Variants in ZBBX observed in about 807,000 individuals in gnomAD.
The protein encoded by ZBBX is zinc finger B-box domain containing.
In ZBBX, 101 loss-of-function variants were observed where a neutral mutation model predicts 108.5. The observed-to-expected ratio is 0.93, with a 90% confidence interval of 0.79 to 1.10. ZBBX has a LOEUF of 1.10. Ranked by LOEUF, ZBBX falls within the 50% of genes least tolerant of loss-of-function variation. ZBBX has a pLI of 0.00. For synonymous variants in ZBBX, 356 were observed against 323.4 expected, an observed-to-expected ratio of 1.10 and a Z score of -1.08; for missense variants, 1,009 against 941.4, an observed-to-expected ratio of 1.07 and a Z score of -0.94.
intron 20 of ZBBX, among the ~76,000 whole-genome samples, chr3:167,265,476 A>G (rs1428313990): frequency 6.6e-6 from 1 of 151,636 alleles, no homozygotes; most frequent in East Asian, 1.9e-4. Flanking sequence ...AGCCCTCCTT[A>G]CTCTTCACTC....
At chr3:167,406,798 G>T (rs2108646465) in intron 1 of ZBBX, among the ~76,000 whole-genome samples, 1 of 152,290 alleles carries the variant, frequency 6.6e-6, no homozygotes, top group East Asian at 1.9e-4. Context: ...GATCAGGGAA[G>T]TTGCAAACAA....
the ZBBX span, among the ~76,000 whole-genome samples, chr3:167,190,998 A>G: frequency 6.6e-6 from 1 of 152,194 alleles, no homozygotes; most frequent in African/African-American, 2.4e-5. Flanking sequence ...GAGGCAGTGA[A>G]CACCAAGGGG....
chr3:167,259,256 G>C (rs143091416), intron 20 of ZBBX, among the ~76,000 whole-genome samples: 2 of 152,028 alleles, frequency 1.3e-5, no homozygotes, highest in Admixed American at 1.3e-4. Flanking sequence ...AGTTTATGCG[G>C]GTAAAGCTGT....
intron 20 of ZBBX, among the ~76,000 whole-genome samples, chr3:167,276,302 G>C (rs541370161): frequency 6.6e-6 from 1 of 151,590 alleles, no homozygotes; most frequent in Admixed American, 6.6e-5. Context: ...CGCGCTACGG[G>C]AGAACATTCA....
At chr3:167,249,177 A>G (rs1029021442) in intron 20 of ZBBX, among the ~76,000 whole-genome samples, 2 of 152,216 alleles carry the variant, frequency 1.3e-5, no homozygotes, top group African/African-American at 2.4e-5. Flanking sequence ...TTTACAGGAA[A>G]GAGTGGCTTG....
intron 15 of ZBBX, among the ~76,000 whole-genome samples, chr3:167,314,696 CTT>C (rs1480900335): frequency 6.6e-6 from 1 of 152,118 alleles, no homozygotes; most frequent in Non-Finnish European, 1.5e-5. Context: ...AAAAGGCCCT[CTT>C]GTGTCACTCG....
At chr3:167,242,937 G>T (rs1720932319) in intron 20 of ZBBX, among the ~76,000 whole-genome samples, 1 of 151,636 alleles carries the variant, frequency 6.6e-6, no homozygotes, top group African/African-American at 2.4e-5. Context: ...AAAATCAAAT[G>T]ACCCCCTTTA....
In ZBBX at chr3:167,328,100, A is replaced by T. The variant is rs1737742856; in HGVS notation, c.704T>A (p.Met235Lys). 6.2e-7 allele frequency: 1 copy of T among 1,610,918 alleles called. No homozygotes were observed. The highest frequency in any genetic ancestry group is 1.3e-5 in the African/African-American group (1 of 74,652). ...TGGTTTTGTACGTTGTGCTCTTTTCATCGTTGTAATTTCTACCTAATTAAA... is the reference window on the plus strand; with the variant it reads ...TGGTTTTGTACGTTGTGCTCTTTTCTTCGTTGTAATTTCTACCTAATTAAA... ...RSSSEVEITT[M>K]KRAQRTKPRK... Residue 235 changes from methionine to lysine, a missense_variant, in exon 11 of 22, where the codon ATG becomes AAG. Met to Lys is a moderately conservative substitution (Grantham distance 95). Transcript: ENST00000675490.
chr3:167,241,226 G>A (rs1376679857), intron 21 of ZBBX, among the ~76,000 whole-genome samples: 1 of 152,058 alleles, frequency 6.6e-6, no homozygotes, highest in African/African-American at 2.4e-5. Flanking sequence ...AGAGCCTCAG[G>A]GTCATCATTA....
the ZBBX span, among the ~76,000 whole-genome samples, chr3:167,234,644 G>GA: frequency 6.6e-6 from 1 of 151,752 alleles, no homozygotes; most frequent in Non-Finnish European, 1.5e-5. Context: ...CACATTAATG[G>GA]AAAATTCTTG....
Position 167,245,349 on chromosome 3 carries a change from CCCTATTTCTAA to C in ZBBX, c.2255-2717_2255-2707del, listed in dbSNP as rs201292597. The stretch of plus-strand genomic sequence containing the variant: ...CTGCACTCCAGCCTGGGCGACAAAG[CCCTATTTCTAA>C]CCTATTTCTAACACTTTAGCCTTCC... On this transcript the variant is annotated intron_variant, in intron 20 of 21. Coordinates refer to ENST00000675490, the MANE Select transcript of ZBBX (RefSeq NM_001199201.2). 2.4e-3 allele frequency among the ~76,000 whole-genome samples: 363 copies of C among 152,262 alleles called. 1 individual carries two copies. The highest frequency in any genetic ancestry group is 7.3e-3 in the African/African-American group (303 of 41,554).
intron 11 of ZBBX, among the ~76,000 whole-genome samples, chr3:167,324,763 C>T (rs1172921108): frequency 3.3e-5 from 5 of 152,130 alleles, no homozygotes; most frequent in Admixed American, 3.3e-4. Flanking sequence ...GCATTCCCCT[C>T]CAGTCATCTT....
At chr3:167,198,254 T>C in the ZBBX span, among the ~76,000 whole-genome samples, 1 of 152,090 alleles carries the variant, frequency 6.6e-6, no homozygotes, top group Non-Finnish European at 1.5e-5. Flanking sequence ...TATGCTTTCC[T>C]TTTTGGTTTA....
chr3:167,214,508 C>G, the ZBBX span, among the ~76,000 whole-genome samples: 3 of 152,148 alleles, frequency 2.0e-5, no homozygotes, highest in Non-Finnish European at 2.9e-5. Flanking sequence ...TAGAGACCTA[C>G]AAAGAGTAAT....
At chr3:167,380,150 G>T (rs115754398) in intron 1 of ZBBX, 97 bp downstream of exon 1, 3,029 of 152,694 alleles carry the variant, frequency 0.02, 107 homozygotes, top group African/African-American at 0.07. Context: ...CGCGCTGCCC[G>T]CTCTGCTCCC....
At chr3:167,287,590 G>A (rs1288485180) in intron 19 of ZBBX, among the ~76,000 whole-genome samples, 1 of 152,078 alleles carries the variant, frequency 6.6e-6, no homozygotes, top group Non-Finnish European at 1.5e-5. Context: ...TATTGATTTT[G>A]ACTGATCTGT....
chr3:167,248,119 CACAG>C (rs1353848785), intron 20 of ZBBX, among the ~76,000 whole-genome samples: 1 of 152,176 alleles, frequency 6.6e-6, no homozygotes, highest in Non-Finnish European at 1.5e-5. Context: ...CCTTAACAGC[CACAG>C]ACACACACAG....
intron 20 of ZBBX, among the ~76,000 whole-genome samples, chr3:167,273,969 T>C (rs1047969933): frequency 1.3e-5 from 2 of 152,190 alleles, no homozygotes; most frequent in African/African-American, 4.8e-5. Flanking sequence ...CAATGATTTA[T>C]TAATTACACT....
chr3:167,271,271 A>G (rs966472242), intron 20 of ZBBX, among the ~76,000 whole-genome samples: 1 of 152,216 alleles, frequency 6.6e-6, no homozygotes, highest in Non-Finnish European at 1.5e-5. Context: ...AGTATTAGAT[A>G]ATCTTCAGTT....
Sources: allele counts gnomAD v4.1 joint callset (sites outside exome capture counted in the v4.1 genomes callset), GRCh38; gene constraint gnomAD v4.1.1; transcripts MANE v1.5; gene names NCBI Gene and HGNC (gene_info 2026-07-23, HGNC 2026-07-21).